LINGO2: variants seen among roughly 807,000 people sequenced by gnomAD.
LINGO2 encodes leucine-rich repeat and immunoglobulin-like domain-containing nogo receptor-interacting protein 2.
A neutral mutation model predicts 30.6 loss-of-function variants in LINGO2; 14 were observed. The observed-to-expected ratio is 0.46, with a 90% CI of 0.30 to 0.72. LINGO2 has a LOEUF of 0.72. Ranked by LOEUF, LINGO2 falls within the 30% of genes least tolerant of loss-of-function variation. The pLI is 0.07. For missense variants in LINGO2, 729 were observed against 751.7 expected, an observed-to-expected ratio of 0.97 and a Z score of 0.35; for synonymous variants, 317 against 288.5, an observed-to-expected ratio of 1.10 and a Z score of -1.00.
At chr9:28,447,410 G>A (rs1421446949) in intron 2 of LINGO2, among the ~76,000 whole-genome samples, 1 of 152,180 alleles carries the variant, frequency 6.6e-6, no homozygotes, top group Non-Finnish European at 1.5e-5. Flanking sequence ...AGAAGAGTGA[G>A]CCATCACCAG....
At chr9:29,189,702 T>A in the LINGO2 span, among the ~76,000 whole-genome samples, 3 of 152,114 alleles carry the variant, frequency 2.0e-5, no homozygotes, top group East Asian at 1.9e-4. Flanking sequence ...ATCACGCCAC[T>A]GCACTCCAGC....
the LINGO2 span, among the ~76,000 whole-genome samples, chr9:28,987,148 C>A: frequency 6.8e-6 from 1 of 146,256 alleles, no homozygotes; most frequent in African/African-American, 2.5e-5. Flanking sequence ...CCATAAGAAG[C>A]ATTCAGCAGT....
the LINGO2 span, among the ~76,000 whole-genome samples, chr9:29,144,516 G>A: frequency 6.6e-6 from 1 of 152,224 alleles, no homozygotes; most frequent in Admixed American, 6.5e-5. Flanking sequence ...CGGATATGCT[G>A]TAGCTTGAGA....
chr9:28,071,157 C>T (rs1415432497), intron 4 of LINGO2, among the ~76,000 whole-genome samples: 2 of 152,164 alleles, frequency 1.3e-5, no homozygotes. Context: ...GTATATTCCT[C>T]CCTTTTTCAG....
the LINGO2 span, among the ~76,000 whole-genome samples, chr9:29,116,044 GA>G: frequency 2.5e-4 from 38 of 151,912 alleles, no homozygotes; most frequent in African/African-American, 8.2e-4. Context: ...AGGAGTACTA[GA>G]AAAAAATAGA....
At chr9:28,391,706 C>G (rs1821838588) in intron 2 of LINGO2, among the ~76,000 whole-genome samples, 2 of 151,836 alleles carry the variant, frequency 1.3e-5, no homozygotes, top group Non-Finnish European at 2.9e-5. Flanking sequence ...TGCTGATATG[C>G]CCTTAATTAA....
the LINGO2 span, among the ~76,000 whole-genome samples, chr9:28,809,745 CAA>C: frequency 2.0e-4 from 19 of 96,436 alleles, no homozygotes; most frequent in Admixed American, 2.4e-4. Flanking sequence ...GACTCTGTCT[CAA>C]AAAAAAAAAA....
chr9:28,199,127 T>C (rs1820123087), intron 4 of LINGO2, among the ~76,000 whole-genome samples: 3 of 152,288 alleles, frequency 2.0e-5, no homozygotes, highest in Non-Finnish European at 2.9e-5. Context: ...TTACCCAGCA[T>C]TGCAAACTTC....
chr9:28,450,043 T>C (rs1474333625), intron 2 of LINGO2, among the ~76,000 whole-genome samples: 1 of 151,992 alleles, frequency 6.6e-6, no homozygotes, highest in Non-Finnish European at 1.5e-5. Context: ...ACTCCCTTCT[T>C]GAGATGTCTT....
exon 5 of LINGO2, chr9:28,012,380 G>C (rs1223467173): frequency 1.3e-5 from 2 of 151,412 alleles, no homozygotes; most frequent in African/African-American, 2.4e-5. Flanking sequence ...GTGGCCAAAA[G>C]GGTTATAGGT....
At chr9:27,950,483 G>T in exon 6 of LINGO2, 2 of 1,601,576 alleles carry the variant, frequency 1.2e-6, no homozygotes, top group Non-Finnish European at 1.7e-6. Context: ...TTTTACTGAG[G>T]TCCAAGATTT....
At chr9:28,292,437 G>C (rs1346872588) in intron 4 of LINGO2, among the ~76,000 whole-genome samples, 1 of 152,056 alleles carries the variant, frequency 6.6e-6, no homozygotes, top group Non-Finnish European at 1.5e-5. Flanking sequence ...AACATATTTT[G>C]TGTAATATCA....
At chr9:28,826,386 A>T in the LINGO2 span, among the ~76,000 whole-genome samples, 12 of 152,142 alleles carry the variant, frequency 7.9e-5, no homozygotes, top group African/African-American at 2.9e-4. Flanking sequence ...CATATGATGA[A>T]TCCTTTCCAC....
chr9:28,533,026 G>A (rs1333171279), intron 1 of LINGO2, among the ~76,000 whole-genome samples: 1 of 151,962 alleles, frequency 6.6e-6, no homozygotes, highest in Non-Finnish European at 1.5e-5. Flanking sequence ...TTGTTCCTGG[G>A]TGTGTCTGTG....
intron 2 of LINGO2, among the ~76,000 whole-genome samples, chr9:28,407,679 T>C (rs1029795307): frequency 3.3e-5 from 5 of 152,086 alleles, no homozygotes; most frequent in Admixed American, 2.0e-4. Flanking sequence ...AAAGGGAAGG[T>C]TGAAAAAGCG....
chr9:27,952,761 G>A (rs1199461019), intron 5 of LINGO2, among the ~76,000 whole-genome samples: 6 of 151,958 alleles, frequency 3.9e-5, no homozygotes, highest in Non-Finnish European at 7.4e-5. Context: ...GATGAATTAA[G>A]GATTCAAATG....
chr9:29,149,505 C>T, the LINGO2 span, among the ~76,000 whole-genome samples: 2 of 152,022 alleles, frequency 1.3e-5, no homozygotes, highest in South Asian at 2.1e-4. Context: ...GATAGAGAGG[C>T]AACGCGGGCA....
chr9:28,883,628 G>GTGTGTATGTATATATATATATATA, the LINGO2 span, among the ~76,000 whole-genome samples: 251 of 64,146 alleles, frequency 3.9e-3, 61 homozygotes, highest in Non-Finnish European at 5.3e-3. Flanking sequence ...ATGTGTGTGT[G>GTGTGTATGTATATATATATATATA]TATATATATA....
At chr9:28,357,315 G>GCCCCCCCCC (rs747187754) in intron 3 of LINGO2, among the ~76,000 whole-genome samples, 1 of 66,060 alleles carries the variant, frequency 1.5e-5, no homozygotes, top group Non-Finnish European at 3.5e-5. Flanking sequence ...CAGAAATAAA[G>GCCCCCCCCC]CCCACCCCCC....
Sources: allele counts gnomAD v4.1 joint callset (sites outside exome capture counted in the v4.1 genomes callset), GRCh38; gene constraint gnomAD v4.1.1; transcripts MANE v1.5; gene names NCBI Gene and HGNC (gene_info 2026-07-23, HGNC 2026-07-21).